COL8A2: variants seen among roughly 807,000 people sequenced by gnomAD.
The protein encoded by COL8A2 is collagen type VIII alpha 2 chain.
In COL8A2, 16 loss-of-function variants were observed where a neutral mutation model predicts 24.0. The observed-to-expected ratio is 0.67, with a 90% CI of 0.45 to 1.01. The LOEUF is 1.01. Among genes scored for constraint, COL8A2 ranks in the 50% least tolerant of loss-of-function variants. The pLI is 0.00. For missense variants in COL8A2, 818 were observed against 942.4 expected (o/e 0.87, Z 1.73); for synonymous variants, 466 against 424.5 (o/e 1.10, Z -1.20).
At position 36,098,091 on chromosome 1, in the gene COL8A2, A is replaced by G; in HGVS notation, c.1590T>C (p.Pro530=). ...PPGPPGPPGP[P]GAPGAFDETG... is the part of the protein sequence containing the mutation. ...TCTCATCGAAGGCCCCAGGGGCACC[A>G]GGGGGTCCCGGGGGCCCGGGAGGCC... The change falls in exon 4 of 4, where the codon CCT becomes CCC. Residue 530 remains proline, a synonymous_variant. Transcript: ENST00000397799. 1 of 1,540,554 alleles carries G rather than the reference A, an allele frequency of 6.5e-7. No homozygotes were observed. The highest frequency in any genetic ancestry group is 1.2e-5 in the South Asian group (1 of 81,976).
chr1:36,105,966 A>AAGAGAGAG (rs1553178118), intron 2 of COL8A2, among the ~76,000 whole-genome samples: 2 of 137,588 alleles, frequency 1.5e-5, no homozygotes, highest in African/African-American at 5.6e-5. Context: ...AAAAAAAAAA[A>AAGAGAGAG]AGAGAGAGAG....
chr1:36,110,810 A>G (rs906025098), intron 2 of COL8A2, among the ~76,000 whole-genome samples: 1 of 152,130 alleles, frequency 6.6e-6, no homozygotes, highest in Non-Finnish European at 1.5e-5. Flanking sequence ...AAACTTCTAA[A>G]GTCAATTTTC....
At chr1:36,103,426 A>C (rs1354087674) in intron 2 of COL8A2, among the ~76,000 whole-genome samples, 5 of 150,352 alleles carry the variant, frequency 3.3e-5, no homozygotes, top group South Asian at 2.1e-4. Flanking sequence ...GCGCCCGCCA[A>C]CACGCCCGGC....
At chr1:36,108,219 G>A (rs549717863) in intron 2 of COL8A2, among the ~76,000 whole-genome samples, 2 of 152,344 alleles carry the variant, frequency 1.3e-5, no homozygotes, top group South Asian at 4.1e-4. Context: ...CTCAATCATA[G>A]GACCTCAACT....
At position 36,107,938 on chromosome 1, in the gene COL8A2, C is replaced by T. The variant is rs369516248; in HGVS notation, c.-16-7680G>A. Reference sequence around the variant, plus strand: ...AGGCCTGCCGATACCCACGGGTCCCCGTCATCGCTCTTGTTTCCCCCCGTA... The same window carrying T: ...AGGCCTGCCGATACCCACGGGTCCCTGTCATCGCTCTTGTTTCCCCCCGTA... On this transcript the variant is annotated intron_variant, in intron 2 of 3. Transcript: ENST00000397799. Among the ~76,000 whole-genome samples, 24 of 152,282 alleles carry T rather than the reference C, an allele frequency of 1.6e-4. 1 individual carries two copies. The East Asian group carries it at 1.7e-3, about 11-fold the overall frequency.
intron 1 of COL8A2, among the ~76,000 whole-genome samples, chr1:36,118,356 C>A (rs190693152): frequency 1.3e-5 from 2 of 152,194 alleles, no homozygotes; most frequent in Non-Finnish European, 2.9e-5. Flanking sequence ...CTGCTCTACC[C>A]CACCTGTGCT....
intron 1 of COL8A2, among the ~76,000 whole-genome samples, chr1:36,118,471 T>A (rs1643889817): frequency 6.6e-6 from 1 of 152,202 alleles, no homozygotes; most frequent in Non-Finnish European, 1.5e-5. Context: ...GCCCCCTCTG[T>A]CTTACAAATA....
chr1:36,121,697 G>C (rs1166319522), intron 1 of COL8A2, among the ~76,000 whole-genome samples: 1 of 144,862 alleles, frequency 6.9e-6, no homozygotes, highest in Non-Finnish European at 1.5e-5. Context: ...ACAAGAGCCA[G>C]ACTCTGTCTC....
intron 2 of COL8A2, among the ~76,000 whole-genome samples, chr1:36,105,966 A>AGAGAGAG (rs58578252): frequency 5.8e-5 from 8 of 137,532 alleles, no homozygotes; most frequent in South Asian, 4.7e-4. Context: ...AAAAAAAAAA[A>AGAGAGAG]AGAGAGAGAG....
At chr1:36,117,831 C>T (rs1157203344) in intron 1 of COL8A2, among the ~76,000 whole-genome samples, 1 of 150,546 alleles carries the variant, frequency 6.6e-6, no homozygotes, top group East Asian at 2.0e-4. Flanking sequence ...TTGAGTCCAG[C>T]CTGGGCAACA....
In COL8A2 at chr1:36,099,133, G is replaced by A. The variant is rs1390370281; in HGVS notation, c.548C>T (p.Pro183Leu). 1.3e-6 allele frequency: 2 copies of A among 1,506,032 alleles called. No homozygotes were observed. The highest frequency in any genetic ancestry group is 1.8e-6 in the Non-Finnish European group (2 of 1,129,630). 93.3% of individuals were successfully genotyped at this position (1,506,032 alleles called of 1,614,324 possible). A position where few individuals can be genotyped will look rare whatever the true frequency, so the allele number is the denominator to read the frequency against. ...CCCTGGTTCCCCCTGGAATCCTGGGGGCCCTGGCACCCCTTGGGCACCTGG... is the reference window on the plus strand; with the variant it reads ...CCCTGGTTCCCCCTGGAATCCTGGGAGCCCTGGCACCCCTTGGGCACCTGG... ...GKPGAQGVPG[P>L]PGFQGEPGPQ... The change falls in exon 4 of 4, where the codon CCC becomes CTC. Residue 183 changes from proline to leucine, a missense_variant. Pro to Leu is a moderately conservative substitution (Grantham distance 98). Transcript: ENST00000397799.
In COL8A2 at chr1:36,098,993, G is replaced by T; in HGVS notation, c.688C>A (p.Leu230Ile). 6.3e-7 allele frequency: 1 copy of T among 1,589,144 alleles called. No homozygotes were observed. The highest frequency in any genetic ancestry group is 8.6e-7 in the Non-Finnish European group (1 of 1,166,524). Residue 230 changes from leucine to isoleucine, a missense_variant, in exon 4 of 4, where the codon CTC (leucine) becomes ATC (isoleucine). Leu to Ile is a conservative substitution (Grantham distance 5). Around this residue, in one of 3 missense-constraint regions of COL8A2, gnomAD observed 573 missense variants for 616.8 expected, o/e 0.93. Coordinates refer to ENST00000397799, the MANE Select transcript of COL8A2 (RefSeq NM_005202.4). ...GQGGAPGPPG[L>I]PGPAGLGKPG... ...TTGCCTAAGCCAGCTGGACCAGGGA[G>T]GCCGGGGGGGCCGGGGGCACCCCCC...
rs566717673 is a variant in COL8A2, at chr1:36,115,148, A to G, written c.-17+560T>C. On this transcript the variant is annotated intron_variant, in intron 2 of 3. Coordinates refer to ENST00000397799, the MANE Select transcript of COL8A2 (RefSeq NM_005202.4). This position sits in a 1 kb window ranked among gnomAD's most constrained non-coding sequence, Gnocchi z 5.7. ...CAGCTGGGGCCGTCGCTTGCCTCCCAGCAGAGGCCTTGAGCTTCTGATGGG... is the reference window on the plus strand; with the variant it reads ...CAGCTGGGGCCGTCGCTTGCCTCCCGGCAGAGGCCTTGAGCTTCTGATGGG... Among the ~76,000 whole-genome samples the G allele has an allele frequency of 6.6e-6, 1 of 152,186 alleles. No individual in the cohort carries two copies. The highest frequency in any genetic ancestry group is 1.5e-5 in the Non-Finnish European group (1 of 67,960).
chr1:36,114,923 C>A (rs1300665587), intron 2 of COL8A2, among the ~76,000 whole-genome samples: 1 of 152,162 alleles, frequency 6.6e-6, no homozygotes, highest in East Asian at 1.9e-4. Context: ...CTGGCCTCTG[C>A]CCATCTCTGA....
In COL8A2 at chr1:36,115,723, G is replaced by C. The variant is rs562510542; in HGVS notation, c.-32C>G. On this transcript the variant is annotated 5_prime_UTR_variant, in exon 2 of 4. Transcript: ENST00000397799. The surrounding 1 kb of genome is among the most constrained non-coding windows in gnomAD (Gnocchi z 5.7). ...CCTAGCTTACCTTTCAGGTCGGAGG[G>C]GCCTGGGAAGGTTCCAGCAGAGGCA... 2.0e-6 allele frequency: 2 copies of C among 985,452 alleles called. No individual in the cohort carries two copies. Among genetic ancestry groups the C allele is most frequent in the Admixed American group, 1.2e-4 (2 of 16,268 alleles). 61.0% of individuals were successfully genotyped at this position (985,452 alleles called of 1,614,324 possible).
chr1:36,098,845 C>A lies in COL8A2; in HGVS notation c.836G>T (p.Gly279Val). 1 of 1,612,456 alleles carries A rather than the reference C, an allele frequency of 6.2e-7. No individual in the cohort carries two copies. The highest frequency in any genetic ancestry group is 8.5e-7 in the Non-Finnish European group (1 of 1,179,774). The change falls in exon 4 of 4, where the codon GGT (glycine) becomes GTT (valine). Residue 279 changes from glycine (G) to valine (V), a missense_variant. Coordinates refer to ENST00000397799, the MANE Select transcript of COL8A2 (RefSeq NM_005202.4). ...CCCTGCTGCCCCTGGGACTCCCACA[C>A]CGTCTACTCCAGGAGGTCCTTTTGG... ...VGPKGPPGVD[G>V]VGVPGAAGLP...
In COL8A2 at chr1:36,095,252, A is replaced by C. The variant is rs1643544041; in HGVS notation, c.*2317T>G. ...TCAGCACAGTGCTGTTTTATACAAC[A>C]GGTTTTATTGAGGATGTGTCAATAC... On this transcript the variant is annotated 3_prime_UTR_variant, in exon 4 of 4. Transcript: ENST00000397799. The C allele has an allele frequency of 6.6e-6, 1 of 152,182 alleles. No individual in the cohort carries two copies. Among genetic ancestry groups the C allele is most frequent in the South Asian group, 2.1e-4 (1 of 4,828 alleles). The allele number at this position is 152,182 out of a possible 1,614,324, so 9.4% of individuals were successfully genotyped here. A position where few individuals can be genotyped will look rare whatever the true frequency, so the allele number is the denominator to read the frequency against.
intron 1 of COL8A2, among the ~76,000 whole-genome samples, chr1:36,119,587 T>C (rs910141344): frequency 7.2e-5 from 11 of 152,212 alleles, no homozygotes; most frequent in Admixed American, 3.9e-4. Flanking sequence ...CTGGATTTGC[T>C]GTGCTCCAGG....
rs948589400 is a variant in COL8A2, at chr1:36,115,788, G to A, written c.-61-36C>T. ...ACAAGAGAAACAGTGAGGCTATGGG[G>A]CAGTGGCTCAAGCTTGTAATCCCAG... On this transcript the variant is annotated intron_variant, in intron 1 of 3. Transcript: ENST00000397799. The surrounding 1 kb of genome is among the most constrained non-coding windows in gnomAD (Gnocchi z 5.7). 2.0e-6 allele frequency: 2 copies of A among 981,036 alleles called. No homozygotes were observed. The highest frequency in any genetic ancestry group is 1.8e-5 in the African/African-American group (1 of 57,118). The allele number at this position is 981,036 out of a possible 1,614,324, so 60.8% of individuals were successfully genotyped here. A position where few individuals can be genotyped will look rare whatever the true frequency, so the allele number is the denominator to read the frequency against.
Sources: allele counts gnomAD v4.1 joint callset (sites outside exome capture counted in the v4.1 genomes callset), GRCh38; gene constraint gnomAD v4.1.1; regional missense constraint gnomAD v4.1.1; non-coding constraint Gnocchi (gnomAD v3.1); transcripts MANE v1.5; gene names NCBI Gene and HGNC (gene_info 2026-07-23, HGNC 2026-07-21).